The following NARF variants were observed in gnomAD, a reference collection of about 807,000 sequenced individuals.
NARF encodes the protein nuclear prelamin A recognition factor, also known as iron-only hydrogenase-like protein 2.
In NARF, 41 loss-of-function variants were observed where a neutral mutation model predicts 48.0. The observed-to-expected ratio is 0.85, with a 90% CI of 0.66 to 1.11. The LOEUF is 1.11. NARF is among the 50% of genes least tolerant of loss of function. NARF has a pLI of 0.00. For missense variants in NARF, 613 were observed against 590.2 expected (o/e 1.04, Z -0.40); for synonymous variants, 215 against 225.5 (o/e 0.95, Z 0.42).
At chr17:82,460,206 T>G (rs2043401487) in intron 2 of NARF, 134 bp downstream of exon 2, 1 of 715,520 alleles carries the variant, frequency 1.4e-6, no homozygotes, top group Non-Finnish European at 2.3e-6. Flanking sequence ...GGCTCACGCC[T>G]GGAATCCCAG....
upstream of NARF, chr17:82,458,687 G>C: frequency 7.5e-7 from 1 of 1,339,128 alleles, no homozygotes; most frequent in Non-Finnish European, 9.7e-7. Context: ...GGCCGTTGGG[G>C]GTGAGGCCGC....
At chr17:82,466,568 T>C (rs1396901961) in intron 3 of NARF, among the ~76,000 whole-genome samples, 1 of 152,120 alleles carries the variant, frequency 6.6e-6, no homozygotes, top group African/African-American at 2.4e-5. Flanking sequence ...TTCTCCTACC[T>C]CAGCCTCTCA....
intron 2 of NARF, among the ~76,000 whole-genome samples, chr17:82,461,883 G>T (rs1278930828): frequency 1.3e-5 from 2 of 152,188 alleles, no homozygotes; most frequent in Non-Finnish European, 2.9e-5. Flanking sequence ...GGGGACTGTG[G>T]GGCTTAGGGA....
chr17:82,460,157 A>C, intron 2 of NARF, 85 bp downstream of exon 2: 1 of 1,181,106 alleles, frequency 8.5e-7, no homozygotes, highest in African/African-American at 1.5e-5. Flanking sequence ...CACCGTGCAC[A>C]TCACTGCTTT....
chr17:82,462,029 G>A (rs2143822104), intron 2 of NARF, among the ~76,000 whole-genome samples: 1 of 152,308 alleles, frequency 6.6e-6, no homozygotes, highest in South Asian at 2.1e-4. Flanking sequence ...CCTGCCCTCT[G>A]GTTGTGTCGT....
intron 1 of NARF, chr17:82,459,192 C>T (rs770498757): frequency 8.1e-5 from 86 of 1,059,390 alleles, no homozygotes; most frequent in East Asian, 1.9e-4. Flanking sequence ...TCGAACCTGC[C>T]CCTCTGAGGG....
At chr17:82,487,784 CG>C in intron 10 of NARF, 131 bp from the exon 11 acceptor site, 2 of 649,886 alleles carry the variant, frequency 3.1e-6, no homozygotes, top group East Asian at 3.8e-5. Flanking sequence ...CCGCCCCTCC[CG>C]CCCAATCTCT....
Position 82,468,953 on chromosome 17 carries a change from T to A in NARF, c.385+57T>A. On this transcript the variant is annotated intron_variant, in intron 4 of 10. Coordinates refer to ENST00000309794, the MANE Select transcript of NARF (RefSeq NM_012336.4). ...TAACTTGAGTTTATAAGCGCCCTTT[T>A]TAATCTCTAAAGTTCGTTTTTCAAG... The A allele has an allele frequency of 1.9e-6, 3 of 1,594,888 alleles. No individual in the cohort carries two copies. In the East Asian group the frequency reaches 6.7e-5, roughly 36 times the overall value.
At chr17:82,461,472 G>A (rs537924012) in intron 2 of NARF, among the ~76,000 whole-genome samples, 14 of 152,226 alleles carry the variant, frequency 9.2e-5, no homozygotes, top group African/African-American at 2.4e-4. Flanking sequence ...TTAGCTGGGC[G>A]TGGTGGTGCA....
chr17:82,483,647 T>C, intron 7 of NARF, 69 bp from the exon 8 acceptor site: 2 of 1,468,928 alleles, frequency 1.4e-6, no homozygotes, highest in Non-Finnish European at 1.9e-6. Flanking sequence ...ATGTCAAATC[T>C]CCTGCAGGGG....
At chr17:82,487,713 C>T (rs545075349) in intron 10 of NARF, among the ~76,000 whole-genome samples, 1 of 152,162 alleles carries the variant, frequency 6.6e-6, no homozygotes, top group Non-Finnish European at 1.5e-5. Flanking sequence ...GGTCCCAGCT[C>T]GAAGTAGGAT....
chr17:82,461,668 A>G (rs2043442524), intron 2 of NARF, among the ~76,000 whole-genome samples: 2 of 152,210 alleles, frequency 1.3e-5, no homozygotes, highest in Admixed American at 6.5e-5. Flanking sequence ...GGAACATTAC[A>G]TGTAAGCCTG....
At chr17:82,470,563 C>T (rs924916456) in intron 4 of NARF, among the ~76,000 whole-genome samples, 3 of 152,190 alleles carry the variant, frequency 2.0e-5, no homozygotes, top group South Asian at 4.1e-4. Flanking sequence ...GGCGCCATCT[C>T]GGCTCACTGC....
intron 2 of NARF, chr17:82,460,915 A>ATTTTTTTTTTTTTTTTTTTTTTTTT (rs137987200): frequency 1.3e-5 from 2 of 149,738 alleles, no homozygotes; most frequent in African/African-American, 4.9e-5. Flanking sequence ...TCTTCTTTTA[A>ATTTTTTTTTTTTTTTTTTTTTTTTT]TTTTTTTTTT....
At chr17:82,459,863 T>A (rs2143809942) in intron 1 of NARF, 129 bp from the exon 2 acceptor site, 1 of 692,244 alleles carries the variant, frequency 1.4e-6, no homozygotes. Context: ...CGAGACTCCG[T>A]CTAAAAAAAT....
chr17:82,487,172 T>C (rs575258697), intron 10 of NARF, among the ~76,000 whole-genome samples: 1 of 152,252 alleles, frequency 6.6e-6, no homozygotes, highest in African/African-American at 2.4e-5. Flanking sequence ...TTATGGGTGA[T>C]GTAAATGGGT....
rs545400643 is a variant in NARF at position 82,471,454 on chromosome 17, CA to C, written c.386-1093del. 5.3e-3 allele frequency among the ~76,000 whole-genome samples: 527 copies of C among 99,504 alleles called. 1 individual carries two copies. Among genetic ancestry groups the C allele is most frequent in the Middle Eastern group, 0.018 (3 of 170 alleles). 65.3% of individuals were successfully genotyped at this position (99,504 alleles called of 152,430 possible). On this transcript the variant is annotated intron_variant, in intron 4 of 10. Transcript: ENST00000309794. ...TGGGCAACAGGGCGAGACACTGTCT[CA>C]AAAAAAAAAAAAAAAATTCAGTATA... is the stretch of plus-strand genomic sequence containing the variant.
At chr17:82,467,032 T>A (rs2043587414) in intron 3 of NARF, among the ~76,000 whole-genome samples, 1 of 150,332 alleles carries the variant, frequency 6.7e-6, no homozygotes, top group African/African-American at 2.4e-5. Context: ...CACCCCACCC[T>A]TGTACTGCGT....
intron 6 of NARF, 106 bp from the exon 7 acceptor site, chr17:82,480,976 C>A: frequency 5.9e-6 from 8 of 1,365,010 alleles, no homozygotes; most frequent in Non-Finnish European, 8.2e-6. Flanking sequence ...GTCTGGAGGG[C>A]AGCAGCAGGG....
Sources: allele counts gnomAD v4.1 joint callset (sites outside exome capture counted in the v4.1 genomes callset), GRCh38; gene constraint gnomAD v4.1.1; transcripts MANE v1.5; gene names NCBI Gene and HGNC (gene_info 2026-07-23, HGNC 2026-07-21).